Variants in G3BP2 observed in about 807,000 individuals in gnomAD.
The protein encoded by G3BP2 is ras GTPase-activating protein-binding protein 2.
Under a neutral mutation model 56.7 loss-of-function variants are expected in G3BP2, and 11 were observed. The observed-to-expected ratio is 0.19, with a 90% confidence interval of 0.12 to 0.32. The LOEUF (loss-of-function observed/expected upper bound fraction) is 0.32. G3BP2 is among the 10% of genes least tolerant of loss of function. G3BP2 has a pLI of 1.00. For synonymous variants in G3BP2, 165 were observed against 191.6 expected (o/e 0.86, Z 1.15); for missense variants, 340 against 610.9 (o/e 0.56, Z 4.67).
chr4:75,644,699 TA>T lies in G3BP2; in HGVS notation c.*730del, dbSNP rs1731086616. 6.6e-6 allele frequency: 1 copy of T among 152,668 alleles called. No individual in the cohort carries two copies. The highest frequency in any genetic ancestry group is 2.4e-5 in the African/African-American group (1 of 41,464). 9.5% of individuals were successfully genotyped at this position (152,668 alleles called of 1,614,324 possible). A position where few individuals can be genotyped will look rare whatever the true frequency, so the allele number is the denominator to read the frequency against. ...AGAAAAATCTTAGATATGGAGCTAC[TA>T]AATCTGGTCTAATAGTCAAGACCAT... On this transcript the variant is annotated 3_prime_UTR_variant, in exon 12 of 12. Coordinates refer to ENST00000359707, the MANE Select transcript of G3BP2 (RefSeq NM_203505.3).
upstream of G3BP2, chr4:75,673,565 C>T (rs945622418): frequency 6.5e-6 from 8 of 1,231,978 alleles, no homozygotes; most frequent in African/African-American, 4.7e-5. Context: ...AGTACGCTGC[C>T]GCGCTCGCAC....
At chr4:75,719,626 T>C (rs1197983393) in intron 3 of G3BP2, among the ~76,000 whole-genome samples, 1 of 152,016 alleles carries the variant, frequency 6.6e-6, no homozygotes, top group Non-Finnish European at 1.5e-5. Context: ...GTTTCGCTCT[T>C]GTTGCGCAGG....
chr4:75,666,328 A>T (rs139863004), intron 1 of G3BP2, among the ~76,000 whole-genome samples: 1 of 152,348 alleles, frequency 6.6e-6, no homozygotes, highest in East Asian at 1.9e-4. Flanking sequence ...TCAAATGGTA[A>T]ATAAGTAAGG....
chr4:75,713,870 A>G (rs951947336), intron 3 of G3BP2, among the ~76,000 whole-genome samples: 2 of 152,244 alleles, frequency 1.3e-5, no homozygotes, highest in African/African-American at 4.8e-5. Context: ...AGGATATACT[A>G]TGAGAAGGAC....
Position 75,645,058 on chromosome 4 carries a change from G to T in G3BP2, c.*372C>A, listed in dbSNP as rs1473531074. On this transcript the variant is annotated 3_prime_UTR_variant, in exon 12 of 12. Transcript: ENST00000359707. ...CAATTGCACAAATTGCACTATTTGT[G>T]TTCCCAGCATTAACAGGCAGAAACA... 4.8e-6 allele frequency: 1 copy of T among 206,604 alleles called. No individual in the cohort carries two copies. The highest frequency in any genetic ancestry group is 1.0e-4 in the South Asian group (1 of 9,568). The allele number at this position is 206,604 out of a possible 1,614,324, so 12.8% of individuals were successfully genotyped here.
intron 3 of G3BP2, among the ~76,000 whole-genome samples, chr4:75,698,353 T>A (rs1018029436): frequency 2.6e-5 from 4 of 152,108 alleles, no homozygotes; most frequent in Admixed American, 2.0e-4. Context: ...GCTTCTAGAA[T>A]CTGGGAAGGG....
intron 3 of G3BP2, among the ~76,000 whole-genome samples, chr4:75,690,762 C>T (rs972964988): frequency 6.6e-6 from 1 of 152,032 alleles, no homozygotes; most frequent in African/African-American, 2.4e-5. Context: ...CAGGGTTTCA[C>T]CATGTTGGCC....
At chr4:75,688,607 T>C (rs1718720859) in intron 3 of G3BP2, among the ~76,000 whole-genome samples, 1 of 152,138 alleles carries the variant, frequency 6.6e-6, no homozygotes, top group South Asian at 2.1e-4. Context: ...CCCCTTTCCT[T>C]ACCCTCTCCA....
chr4:75,694,741 AAAACAAACAAACAAAC>A (rs113019972), intron 3 of G3BP2: 2 of 983,110 alleles, frequency 2.0e-6, no homozygotes, highest in African/African-American at 1.7e-5. Flanking sequence ...TCTGTCTCGA[AAAACAAACAAACAAAC>A]AAACAAACAA....
At chr4:75,702,897 G>C (rs1719402379) in intron 3 of G3BP2, among the ~76,000 whole-genome samples, 1 of 152,204 alleles carries the variant, frequency 6.6e-6, no homozygotes, top group African/African-American at 2.4e-5. Context: ...GGAGCCCAGG[G>C]AACAGCTTTG....
intron 1 of G3BP2, among the ~76,000 whole-genome samples, chr4:75,666,034 A>G (rs1307202683): frequency 6.6e-6 from 1 of 152,228 alleles, no homozygotes; most frequent in Non-Finnish European, 1.5e-5. Context: ...ATACTGATCT[A>G]TCATTTTTGT....
chr4:75,714,409 G>A (rs1354510013), intron 3 of G3BP2, among the ~76,000 whole-genome samples: 2 of 152,206 alleles, frequency 1.3e-5, no homozygotes, highest in Admixed American at 6.5e-5. Flanking sequence ...GGCAGATCAC[G>A]TGAGGTCAGG....
rs1036105658 is a variant in G3BP2, at chr4:75,673,244, G to C, written c.-61C>G. On this transcript the variant is annotated 5_prime_UTR_variant, in exon 1 of 12. Coordinates refer to ENST00000359707, the MANE Select transcript of G3BP2 (RefSeq NM_203505.3). ...GGCGGCGGCGGGTACGTCGCGCGGA[G>C]GTCAGAAGAGTCGCTGAGGACCGGG... is the stretch of plus-strand genomic sequence containing the variant. 9.8e-6 allele frequency: 12 copies of C among 1,220,340 alleles called. No individual in the cohort carries two copies. Among genetic ancestry groups the C allele is most frequent in the African/African-American group, 7.8e-5 (5 of 64,132 alleles). The allele number at this position is 1,220,340 out of a possible 1,614,324, so 75.6% of individuals were successfully genotyped here.
At chr4:75,674,056 C>T (rs980378669), upstream of G3BP2, 1 of 152,220 alleles carries the variant, frequency 6.6e-6, no homozygotes, top group Non-Finnish European at 1.5e-5. Context: ...ATTTTACATA[C>T]TAAAGCTAAA....
chr4:75,720,842 A>AATAG (rs1452193589), intron 3 of G3BP2, among the ~76,000 whole-genome samples: 1 of 141,230 alleles, frequency 7.1e-6, no homozygotes, highest in Non-Finnish European at 1.6e-5. Context: ...TAAATAAATA[A>AATAG]AAATATTTTG....
chr4:75,680,847 A>G (rs926747511), intron 3 of G3BP2, among the ~76,000 whole-genome samples: 1 of 152,026 alleles, frequency 6.6e-6, no homozygotes, highest in African/African-American at 2.4e-5. Context: ...ATGTGCCTGT[A>G]GTCCCAGCTA....
intron 1 of G3BP2, among the ~76,000 whole-genome samples, chr4:75,671,378 G>C (rs1733476289): frequency 6.6e-6 from 1 of 152,192 alleles, no homozygotes; most frequent in South Asian, 2.1e-4. Context: ...AGGATAAGGA[G>C]GGAAGTTTTC....
At chr4:75,715,111 T>G (rs1719885673) in intron 3 of G3BP2, among the ~76,000 whole-genome samples, 1 of 152,226 alleles carries the variant, frequency 6.6e-6, no homozygotes, top group Non-Finnish European at 1.5e-5. Flanking sequence ...TGCTGAAGTC[T>G]AGGCTTCTCT....
At chr4:75,693,989 C>T (rs1718990722) in intron 3 of G3BP2, among the ~76,000 whole-genome samples, 1 of 151,992 alleles carries the variant, frequency 6.6e-6, no homozygotes, top group African/African-American at 2.4e-5. Flanking sequence ...AATCTTCCTG[C>T]CTCAGTCTCC....
Sources: allele counts gnomAD v4.1 joint callset (sites outside exome capture counted in the v4.1 genomes callset), GRCh38; gene constraint gnomAD v4.1.1; transcripts MANE v1.5; gene names NCBI Gene and HGNC (gene_info 2026-07-23, HGNC 2026-07-21).